SNRPN: variants seen among roughly 807,000 people sequenced by gnomAD.
The protein encoded by SNRPN is small nuclear ribonucleoprotein polypeptide N.
A neutral mutation model predicts 25.2 loss-of-function variants in SNRPN; 7 were observed. The observed-to-expected ratio is 0.28, with a 90% CI of 0.16 to 0.52. The LOEUF (loss-of-function observed/expected upper bound fraction) is 0.52, where lower values mean the gene tolerates loss of function less well. Ranked by LOEUF, SNRPN falls within the 20% of genes least tolerant of loss-of-function variation. The pLI is 0.96. For synonymous variants in SNRPN, 124 were observed against 110.6 expected, an observed-to-expected ratio of 1.12 and a Z score of -0.76; for missense variants, 196 against 322.5, an observed-to-expected ratio of 0.61 and a Z score of 3.00.
At chr15:24,861,386 T>A (rs77867515) in intron 1 of SNRPN, among the ~76,000 whole-genome samples, 2 of 152,184 alleles carry the variant, frequency 1.3e-5, no homozygotes, top group African/African-American at 4.8e-5. Flanking sequence ...GTAACCTATC[T>A]AAACATAGAA....
chr15:24,855,350 C>A (rs570743439), upstream of SNRPN, among the ~76,000 whole-genome samples: 2 of 152,238 alleles, frequency 1.3e-5, no homozygotes, highest in Non-Finnish European at 2.9e-5. Flanking sequence ...TCCCAATCAC[C>A]TAGTGAATTT....
chr15:24,947,863 G>A (rs191253785), intron 3 of SNRPN, among the ~76,000 whole-genome samples: 12 of 151,980 alleles, frequency 7.9e-5, no homozygotes, highest in African/African-American at 2.2e-4. Flanking sequence ...GTTAGGGGGC[G>A]GAGGAATGGG....
intron 3 of SNRPN, among the ~76,000 whole-genome samples, chr15:24,971,727 C>T (rs1311583725): frequency 1.3e-5 from 2 of 152,026 alleles, no homozygotes; most frequent in Non-Finnish European, 2.9e-5. Flanking sequence ...CAACCTCTGG[C>T]ATAAATGGGT....
At chr15:24,977,664 A>G (rs2153713469) in intron 7 of SNRPN, 114 bp from the exon 8 acceptor site, 8 of 1,008,400 alleles carry the variant, frequency 7.9e-6, no homozygotes, top group Non-Finnish European at 1.1e-5. Flanking sequence ...TAATGAGAGA[A>G]GTACATTGCA....
intron 3 of SNRPN, among the ~76,000 whole-genome samples, chr15:24,948,385 TAC>T (rs2062017138): frequency 6.6e-6 from 1 of 152,190 alleles, no homozygotes; most frequent in African/African-American, 2.4e-5. Context: ...GTGCTGGGAT[TAC>T]AGGTGTGAGC....
At chr15:24,930,590 C>CAAAAAA (rs67708507) in intron 3 of SNRPN, among the ~76,000 whole-genome samples, 56 of 98,344 alleles carry the variant, frequency 5.7e-4, no homozygotes, top group East Asian at 1.3e-3. Context: ...TACAAAAATA[C>CAAAAAA]AAAAAAAAAA....
intron 2 of SNRPN, among the ~76,000 whole-genome samples, chr15:24,895,216 G>C (rs2150985319): frequency 6.6e-6 from 1 of 152,264 alleles, no homozygotes; most frequent in East Asian, 1.9e-4. Context: ...ACTTGCTTCA[G>C]CAGAAAGTCA....
chr15:24,878,138 A>G (rs1247836046), intron 1 of SNRPN, among the ~76,000 whole-genome samples: 2 of 152,234 alleles, frequency 1.3e-5, no homozygotes, highest in African/African-American at 4.8e-5. Flanking sequence ...TCACAAAATG[A>G]ACGGGACTTC....
At position 24,884,470 on chromosome 15, in the gene SNRPN, A is replaced by C. The variant is rs28489072; in HGVS notation, c.-578-2046A>C. Among the ~76,000 whole-genome samples, 1,320 of 152,304 alleles carry C rather than the reference A, an allele frequency of 8.7e-3. 25 individuals are homozygous for C. The highest frequency in any genetic ancestry group is 0.03 in the African/African-American group (1,261 of 41,574). ...AGAGAGGAAAGGAGAGATTGGGTAC[A>C]AATTCAGGAAGGCATGAAGTGTTGA... On this transcript the variant is annotated intron_variant, in intron 1 of 11. Transcript: ENST00000400097.
chr15:24,955,029 G>C lies in SNRPN; in HGVS notation c.-424G>C. On this transcript the variant is annotated 5_prime_UTR_variant, in exon 1 of 10. It removes the in-frame stop codon of an upstream open reading frame in the 5' UTR. Coordinates refer to ENST00000390687, the MANE Select transcript of SNRPN (RefSeq NM_003097.6). Reference sequence around the variant, plus strand: ...CCGGAGATGCCTGACGCATCTGTCTGAGGAGCGGTCAGTGACGCGATGGAG... The same window carrying C: ...CCGGAGATGCCTGACGCATCTGTCTCAGGAGCGGTCAGTGACGCGATGGAG... 2 of 1,612,994 alleles carry C rather than the reference G, an allele frequency of 1.2e-6. No individual in the cohort carries two copies. The highest frequency in any genetic ancestry group is 1.7e-6 in the Non-Finnish European group (2 of 1,179,978).
intron 2 of SNRPN, among the ~76,000 whole-genome samples, chr15:24,966,529 T>C (rs2075664983): frequency 6.6e-6 from 1 of 152,130 alleles, no homozygotes; most frequent in South Asian, 2.1e-4. Context: ...GAGGGCTTGC[T>C]CAAAACCCCA....
upstream of SNRPN, among the ~76,000 whole-genome samples, chr15:24,853,062 T>G (rs74005376): frequency 0.11 from 16,539 of 152,270 alleles, 967 homozygotes; most frequent in Middle Eastern, 0.17. Context: ...AGAAAACTTG[T>G]TCTGTTTAGA....
chr15:24,825,922 C>T (rs770123548), intron 1 of SNRPN, among the ~76,000 whole-genome samples: 23 of 152,090 alleles, frequency 1.5e-4, no homozygotes, highest in Non-Finnish European at 2.1e-4. Flanking sequence ...GTTTATCAGA[C>T]GCATATACCA....
At chr15:24,925,987 G>C (rs2060354529) in intron 3 of SNRPN, among the ~76,000 whole-genome samples, 1 of 152,086 alleles carries the variant, frequency 6.6e-6, no homozygotes, top group African/African-American at 2.4e-5. Context: ...GCCCGCCTCG[G>C]CCTCCCAAAG....
intron 3 of SNRPN, among the ~76,000 whole-genome samples, chr15:24,933,401 G>C (rs2061010847): frequency 6.6e-6 from 1 of 152,102 alleles, no homozygotes; most frequent in South Asian, 2.1e-4. Context: ...AGCTTAGTAT[G>C]GTGTGTGTAG....
chr15:24,924,794 G>A (rs549953145), intron 3 of SNRPN, among the ~76,000 whole-genome samples: 2 of 152,138 alleles, frequency 1.3e-5, no homozygotes, highest in East Asian at 1.9e-4. Context: ...CAGGCTAGGG[G>A]TGGCATTTCC....
chr15:24,835,862 G>A (rs558663780), intron 2 of SNRPN, among the ~76,000 whole-genome samples: 76 of 152,084 alleles, frequency 5.0e-4, no homozygotes, highest in Middle Eastern at 3.4e-3. Flanking sequence ...ACAGGGTCTC[G>A]CTTTGTTGCC....
chr15:24,881,395 G>A (rs138654153), intron 1 of SNRPN, among the ~76,000 whole-genome samples: 2,718 of 151,744 alleles, frequency 0.018, 64 homozygotes, highest in East Asian at 0.067. Flanking sequence ...GCTGGGCATG[G>A]GGGTGGACAC....
In SNRPN at chr15:24,930,572, C is replaced by A. The variant is rs1377076813; in HGVS notation, c.-391+10448C>A. Among the ~76,000 whole-genome samples, 4 of 134,610 alleles carry A rather than the reference C, an allele frequency of 3.0e-5. No individual in the cohort carries two copies. In the South Asian group the frequency reaches 9.7e-4, roughly 33 times the overall value. 88.3% of individuals were successfully genotyped at this position (134,610 alleles called of 152,430 possible). On this transcript the variant is annotated intron_variant, in intron 3 of 11. Coordinates refer to the SNRPN transcript ENST00000400097. ...ACCGGCCTGGGAAACATAGGGAAACCCTGTCTCTACAAAAATACAAAAAAA... is the reference window on the plus strand; with the variant it reads ...ACCGGCCTGGGAAACATAGGGAAACACTGTCTCTACAAAAATACAAAAAAA...
Sources: gnomAD v4.1 joint callset for allele counts (sites outside exome capture counted in the v4.1 genomes callset) on GRCh38, gnomAD v4.1.1 for gene constraint, MANE v1.5 for transcripts, NCBI Gene and HGNC (gene_info 2026-07-23, HGNC 2026-07-21) for gene names.